The following TTN variants were observed in gnomAD, a reference collection of about 807,000 sequenced individuals.
TTN encodes connectin.
TTN carries 1,525 observed loss-of-function variants against 3,223.0 expected under a neutral mutation model. The observed-to-expected ratio is 0.47, with a 90% CI of 0.45 to 0.49. The LOEUF (loss-of-function observed/expected upper bound fraction) is 0.49. Ranked by LOEUF, TTN falls within the 20% of genes least tolerant of loss-of-function variation. TTN has a pLI of 0.00. For synonymous variants in TTN, 14,094 were observed against 15,161.0 expected (o/e 0.93, Z 5.17); for missense variants, 40,786 against 43,424.0 (o/e 0.94, Z 5.40).
chr2:178,629,583 C>T (rs992453406), intron 239 of TTN, 140 bp from the exon 240 acceptor site: 26 of 1,244,818 alleles, frequency 2.1e-5, no homozygotes, highest in South Asian at 9.5e-5. Context: ...CCCACGTGAA[C>T]GTGGCCCCAC....
At position 178,679,615 on chromosome 2, in the gene TTN, T is replaced by C; in HGVS notation, c.33648A>G (p.Glu11216=). The change falls in exon 141 of 363, where the codon GAA becomes GAG. Residue 11216 remains glutamate (E), a synonymous_variant. Transcript: ENST00000589042. ...KKPVPVPKKK[E]APPAKVPEVP... ...GTGGTGTACCTTTTGCCGGTGGAGC[T>C]TCCTTCTTCTTGGGAACAGGAACAG... The C allele has an allele frequency of 6.2e-7, 1 of 1,611,358 alleles. No homozygotes were observed. Among genetic ancestry groups the C allele is most frequent in the Non-Finnish European group, 8.5e-7 (1 of 1,179,012 alleles).
intron 205 of TTN, 34 bp from the exon 206 acceptor site, chr2:178,651,783 G>A (rs764781735): frequency 6.0e-5 from 97 of 1,608,656 alleles, no homozygotes; most frequent in Admixed American, 2.0e-4. Flanking sequence ...TAGAAAGAAC[G>A]AAGATTGAGA....
rs1057523227 is a variant in TTN at position 178,706,492 on chromosome 2, T to C, written c.29382A>G (p.Gln9794=). Residue 9794 remains glutamine, a synonymous_variant, in exon 102 of 363, where the codon CAA becomes CAG. Transcript: ENST00000589042. ...VNLQVDERKK[Q]EKIEGDLRAM... is the part of the protein sequence containing the mutation. ...CTCTAAGATCGCCTTCAATTTTCTC[T>C]TGTTTCTTCCTTTCATCCACCTGTA... 1 of 1,613,730 alleles carries C rather than the reference T, an allele frequency of 6.2e-7. No homozygotes were observed. The highest frequency in any genetic ancestry group is 2.2e-5 in the East Asian group (1 of 44,884).
At chr2:178,551,549 A>C in intron 335 of TTN, 81 bp downstream of exon 335, 1 of 1,199,874 alleles carries the variant, frequency 8.3e-7, no homozygotes. Context: ...GGTGATGCAG[A>C]GAAGAAAAGC....
At chr2:178,595,260 CTA>C (rs1158461289) in intron 295 of TTN, among the ~76,000 whole-genome samples, 6 of 150,396 alleles carry the variant, frequency 4.0e-5, no homozygotes, top group Non-Finnish European at 8.9e-5. Context: ...AACAGTAAGA[CTA>C]TGTGTCAAAA....
chr2:178,706,876 A>C lies in TTN; in HGVS notation c.29120T>G (p.Ile9707Ser). 6.2e-7 allele frequency: 1 copy of C among 1,612,412 alleles called. No individual in the cohort carries two copies. Among genetic ancestry groups the C allele is most frequent in the Non-Finnish European group, 8.5e-7 (1 of 1,179,126 alleles). ...AGTGCACTTACTTTCTACGACTCTGATACTCTGAGGTTCTGACACAAAAAA... is the reference window on the plus strand; with the variant it reads ...AGTGCACTTACTTTCTACGACTCTGCTACTCTGAGGTTCTGACACAAAAAA... ...RLFFVSEPQS[I>S]RVVEKTTATF... The change falls in exon 101 of 363, where the codon ATC (isoleucine) becomes AGC (serine). Residue 9707 changes from isoleucine to serine, a missense_variant. Coordinates refer to ENST00000589042, the MANE Select transcript of TTN (RefSeq NM_001267550.2).
In TTN at chr2:178,609,289, G is replaced by A. The variant is rs926741242; in HGVS notation, c.52021C>T (p.Arg17341Ter). 4.4e-6 allele frequency: 7 copies of A among 1,595,760 alleles called. No individual in the cohort carries two copies. Among genetic ancestry groups the A allele is most frequent in the South Asian group, 1.1e-5 (1 of 87,418 alleles). Residue 17341 changes from arginine to a stop codon, truncating the protein, a stop_gained, in exon 273 of 363, where the codon CGA becomes TGA. Coordinates refer to ENST00000589042, the MANE Select transcript of TTN (RefSeq NM_001267550.2). LOFTEE classifies it high-confidence loss of function. ...ATCATATACAGACCATGGTCAGGTCGGAGAGAATCTCGGACGCGTAGCTGA... is the reference window on the plus strand; with the variant it reads ...ATCATATACAGACCATGGTCAGGTCAGAGAGAATCTCGGACGCGTAGCTGA... Reference protein sequence around the residue: ...ESQLRVRDSLRPDHGLYMIKV... With the variant: ...ESQLRVRDSL
chr2:178,610,044 A>G (rs1362957644), intron 271 of TTN, 46 bp downstream of exon 271: 3 of 1,610,948 alleles, frequency 1.9e-6, no homozygotes, highest in Non-Finnish European at 2.5e-6. Flanking sequence ...AAACAAAACT[A>G]TGGTTTATTA....
Position 178,548,957 on chromosome 2 carries a change from T to A in TTN, c.92669A>T (p.Glu30890Val). ...RYTVTDLQAG[E>V]EYKFRVSAIN... ...AGCACTAACTCGGAATTTGTATTCT[T>A]CACCTGCTTGTAGATCAGTGACTGT... Residue 30890 changes from glutamate to valine, a missense_variant, in exon 339 of 363, where the codon GAA becomes GTA. Glu to Val is a moderately radical substitution (Grantham distance 121, BLOSUM62 -2). Transcript: ENST00000589042. This position sits in a 1 kb window ranked among gnomAD's most constrained non-coding sequence, Gnocchi z 4.3. 1 of 1,613,930 alleles carries A rather than the reference T, an allele frequency of 6.2e-7. No homozygotes were observed. The highest frequency in any genetic ancestry group is 1.1e-5 in the South Asian group (1 of 91,082).
In TTN at chr2:178,562,346, C is replaced by A; in HGVS notation, c.83786G>T (p.Gly27929Val). The change falls in exon 326 of 363, where the codon GGA becomes GTA. Residue 27929 changes from glycine (G) to valine (V), a missense_variant. Physicochemically the swap from Gly to Val is moderately radical, Grantham distance 109. Coordinates refer to ENST00000589042, the MANE Select transcript of TTN (RefSeq NM_001267550.2). ...LEATISGLTA[G>V]EEYVFRVAAV... Reference sequence around the variant, plus strand: ...AGCTACCCTGAAGACATACTCTTCTCCTGCAGTTAAGCCAGATATAGTTGC... The same window carrying A: ...AGCTACCCTGAAGACATACTCTTCTACTGCAGTTAAGCCAGATATAGTTGC... The A allele has an allele frequency of 6.2e-7, 1 of 1,611,198 alleles. No individual in the cohort carries two copies. Among genetic ancestry groups the A allele is most frequent in the Non-Finnish European group, 8.5e-7 (1 of 1,178,862 alleles).
At chr2:178,666,738 T>C (rs2065991855) in intron 163 of TTN, 86 bp downstream of exon 163, 1 of 1,161,422 alleles carries the variant, frequency 8.6e-7, no homozygotes. Flanking sequence ...GTAGCCACTT[T>C]GGCTTAAAAG....
chr2:178,772,408 C>G (rs1310393416), intron 33 of TTN, among the ~76,000 whole-genome samples: 1 of 152,018 alleles, frequency 6.6e-6, no homozygotes, highest in African/African-American at 2.4e-5. Context: ...AAAATTTAAA[C>G]TGTAATGAAC....
intron 13 of TTN, among the ~76,000 whole-genome samples, chr2:178,787,244 T>C (rs1359434178): frequency 6.6e-6 from 1 of 152,114 alleles, no homozygotes; most frequent in Non-Finnish European, 1.5e-5. Flanking sequence ...TTTTCTGAGA[T>C]GGAATTGGGT....
rs555577161 is a variant in TTN at position 178,592,778 on chromosome 2, G to A, written c.59341C>T (p.Leu19781Phe). ...VPEPVLVKDR[L>F]EPPELILDAN... ...CAAGTGAGAGCATTTTACTCACCAA[G>A]CCTGTCTTTTACTAGGACTGGCTCC... Residue 19781 changes from leucine to phenylalanine, a missense_variant, in exon 300 of 363, where the codon CTT (leucine) becomes TTT (phenylalanine). Coordinates refer to ENST00000589042, the MANE Select transcript of TTN (RefSeq NM_001267550.2). 19 of 1,613,332 alleles carry A rather than the reference G, an allele frequency of 1.2e-5. No homozygotes were observed. In the South Asian group the frequency reaches 1.8e-4, roughly 15 times the overall value.
At chr2:178,758,891 C>G in intron 44 of TTN, 93 bp downstream of exon 44, 1 of 1,304,550 alleles carries the variant, frequency 7.7e-7, no homozygotes, top group Non-Finnish European at 1.1e-6. Flanking sequence ...GTAGGAACAA[C>G]AATGATTTAC....
intron 13 of TTN, among the ~76,000 whole-genome samples, chr2:178,788,452 C>G (rs966785775): frequency 6.6e-6 from 1 of 151,878 alleles, no homozygotes; most frequent in African/African-American, 2.4e-5. Context: ...TTCTGAAAGG[C>G]TGATATGCCA....
chr2:178,564,093 A>G lies in TTN; in HGVS notation c.82039T>C (p.Tyr27347His). ...CCAACATTGCTGAGTTTCAGAATAT[A>G]TTGTCCTCCATCAGTCCGTATACAG... Reference protein sequence around the residue: ...KDCIRTDGGQYILKLSNVGGT... With the variant: ...KDCIRTDGGQHILKLSNVGGT... Residue 27347 changes from tyrosine to histidine, a missense_variant, in exon 326 of 363, where the codon TAT becomes CAT. Tyr to His is a moderately conservative substitution (Grantham distance 83). Coordinates refer to ENST00000589042, the MANE Select transcript of TTN (RefSeq NM_001267550.2). The G allele has an allele frequency of 6.2e-7, 1 of 1,613,742 alleles. No homozygotes were observed. The highest frequency in any genetic ancestry group is 8.5e-7 in the Non-Finnish European group (1 of 1,179,712).
intron 219 of TTN, 82 bp from the exon 220 acceptor site, chr2:178,641,397 A>G (rs1374499515): frequency 9.7e-6 from 8 of 828,204 alleles, no homozygotes; most frequent in Non-Finnish European, 1.5e-5. Context: ...CAAATAATGT[A>G]CAAAGCAAGG....
chr2:178,590,708 A>G lies in TTN; in HGVS notation c.61017T>C (p.Asn20339=). ...CAGCAAAAACTCTAAACTCATATGT[A>G]TTTCCTTCATAGAGTCCAGTCACTC... ...KFRVTGLYEG[N]TYEFRVFAEN... is the part of the protein sequence containing the mutation. Residue 20339 remains asparagine (N), a synonymous_variant, in exon 304 of 363, where the codon AAT becomes AAC. Coordinates refer to ENST00000589042, the MANE Select transcript of TTN (RefSeq NM_001267550.2). The G allele has an allele frequency of 1.2e-6, 2 of 1,612,954 alleles. No homozygotes were observed. Among genetic ancestry groups the G allele is most frequent in the Admixed American group, 1.7e-5 (1 of 59,938 alleles).
Sources: gnomAD v4.1 joint callset for allele counts (sites outside exome capture counted in the v4.1 genomes callset) on GRCh38, gnomAD v4.1.1 for gene constraint, Gnocchi (gnomAD v3.1) non-coding constraint, MANE v1.5 for transcripts, NCBI Gene and HGNC (gene_info 2026-07-23, HGNC 2026-07-21) for gene names.